Variants in GNS observed in about 807,000 individuals in gnomAD.
GNS encodes N-acetylglucosamine-6-sulfatase.
In GNS, 40 loss-of-function variants were observed where a neutral mutation model predicts 69.7. The ratio of observed to expected loss-of-function variants is 0.57; its 90% CI spans 0.45 to 0.75. The LOEUF (loss-of-function observed/expected upper bound fraction) is 0.75, where lower values mean the gene tolerates loss of function less well. Among genes scored for constraint, GNS ranks in the 30% least tolerant of loss-of-function variants. The probability of loss-of-function intolerance (pLI) is 0.00; values close to 1 mark genes in which losing one functional copy is unlikely to be tolerated. For synonymous variants in GNS, 243 were observed against 251.6 expected, an observed-to-expected ratio of 0.97 and a Z score of 0.32; for missense variants, 565 against 685.5, an observed-to-expected ratio of 0.82 and a Z score of 1.96.
At chr12:64,728,218 G>T (rs989108651) in intron 10 of GNS, among the ~76,000 whole-genome samples, 6 of 152,172 alleles carry the variant, frequency 3.9e-5, no homozygotes, top group African/African-American at 1.4e-4. Flanking sequence ...AAGCCACCGC[G>T]CCTGGCCGAC....
In GNS at chr12:64,721,719, TC is replaced by T. The variant is rs1345709163; in HGVS notation, c.1309-15del. On this transcript the variant is annotated splice_polypyrimidine_tract_variant and intron_variant, in intron 11 of 13. Coordinates refer to ENST00000258145, the MANE Select transcript of GNS (RefSeq NM_002076.4). ...TGGGAAGCATTGCTGTAGGGATATT[TC>T]AAAAGTTAAATGAAGACAGTTCTTC... 1.3e-5 allele frequency: 16 copies of T among 1,279,830 alleles called. No homozygotes were observed. The highest frequency in any genetic ancestry group is 1.8e-5 in the Non-Finnish European group (16 of 874,764). 79.3% of individuals were successfully genotyped at this position (1,279,830 alleles called of 1,614,324 possible). A position where few individuals can be genotyped will look rare whatever the true frequency, so the allele number is the denominator to read the frequency against.
chr12:64,750,351 T>A (rs932458904), intron 2 of GNS, among the ~76,000 whole-genome samples: 29 of 151,942 alleles, frequency 1.9e-4, no homozygotes, highest in African/African-American at 6.8e-4. Context: ...CCTGGCCCAA[T>A]GCCCAGGTAT....
chr12:64,728,211 C>T (rs1869269573), intron 10 of GNS, among the ~76,000 whole-genome samples: 1 of 152,206 alleles, frequency 6.6e-6, no homozygotes, highest in Non-Finnish European at 1.5e-5. Context: ...CAGGCGTAAG[C>T]CACCGCGCCT....
At chr12:64,718,904 C>G (rs374291292) in intron 13 of GNS, among the ~76,000 whole-genome samples, 1 of 152,158 alleles carries the variant, frequency 6.6e-6, no homozygotes, top group East Asian at 1.9e-4. Context: ...ACTGGACTTC[C>G]TATTTCAGGT....
intron 13 of GNS, among the ~76,000 whole-genome samples, chr12:64,719,410 T>A (rs968949416): frequency 1.3e-5 from 2 of 152,224 alleles, no homozygotes; most frequent in Non-Finnish European, 2.9e-5. Context: ...CTCAAATGCA[T>A]GGTGTACTGA....
At chr12:64,727,086 T>A (rs1376726822) in intron 10 of GNS, among the ~76,000 whole-genome samples, 1 of 151,708 alleles carries the variant, frequency 6.6e-6, no homozygotes. Flanking sequence ...CCTACTACAA[T>A]ATAATAATCA....
chr12:64,746,521 G>T (rs1226821106), intron 3 of GNS, among the ~76,000 whole-genome samples: 1 of 152,102 alleles, frequency 6.6e-6, no homozygotes, highest in Non-Finnish European at 1.5e-5. Context: ...AAGCATTTTG[G>T]ATAAGGGATA....
In GNS at chr12:64,747,829, C is replaced by T; in HGVS notation, c.342G>A (p.Leu114=). ...PHNHHVVNNT[L]EGNCSSKSWQ... ...AGGACTTACTACTGCAGTTCCCCTC[C>T]AGAGTGTTGTTCACAACGTGATGAT... is the stretch of plus-strand genomic sequence containing the variant. Residue 114 remains leucine, a synonymous_variant, in exon 3 of 14, where the codon CTG becomes CTA. Coordinates refer to ENST00000258145, the MANE Select transcript of GNS (RefSeq NM_002076.4). The T allele has an allele frequency of 1.2e-6, 2 of 1,608,034 alleles. No homozygotes were observed. The highest frequency in any genetic ancestry group is 1.1e-5 in the South Asian group (1 of 90,960).
At chr12:64,745,557 T>C (rs1869873351) in intron 4 of GNS, 102 bp downstream of exon 4, 2 of 843,208 alleles carry the variant, frequency 2.4e-6, no homozygotes, top group Admixed American at 1.7e-5. Flanking sequence ...AAATGACTAA[T>C]TGTAAAAGCA....
At chr12:64,756,836 T>C in intron 1 of GNS, 1 of 735,792 alleles carries the variant, frequency 1.4e-6, no homozygotes, top group Non-Finnish European at 2.3e-6. Context: ...TTTTGGTACC[T>C]CTCTCCAGTA....
intron 10 of GNS, 95 bp from the exon 11 acceptor site, chr12:64,723,208 AGTAATTGGACT>A (rs1869087678): frequency 1.3e-6 from 1 of 781,536 alleles, no homozygotes; most frequent in African/African-American, 1.7e-5. Context: ...GGGAGTCAAA[AGTAATTGGACT>A]GTTCATTCAG....
At position 64,713,665 on chromosome 12, in the gene GNS, T is replaced by C. The variant is rs1868776810; in HGVS notation, c.*3076A>G. On this transcript the variant is annotated 3_prime_UTR_variant, in exon 14 of 14. Coordinates refer to ENST00000258145, the MANE Select transcript of GNS (RefSeq NM_002076.4). ...CCATCTAATTCCATTGGTGGATCAG[T>C]TGAATTAACTTTTGCTTTCTTTAGG... 4 of 151,272 alleles carry C rather than the reference T, an allele frequency of 2.6e-5. No individual in the cohort carries two copies. The highest frequency in any genetic ancestry group is 4.1e-4 in the South Asian group (2 of 4,830). 9.4% of individuals were successfully genotyped at this position (151,272 alleles called of 1,614,324 possible).
chr12:64,721,798 G>A (rs1484535624), intron 11 of GNS, 93 bp from the exon 12 acceptor site: 4 of 770,038 alleles, frequency 5.2e-6, no homozygotes, highest in East Asian at 5.0e-5. Context: ...GGCTCATGCC[G>A]GACATGCAAT....
chr12:64,726,954 T>G (rs146409904), intron 10 of GNS, among the ~76,000 whole-genome samples: 13 of 149,872 alleles, frequency 8.7e-5, no homozygotes, highest in African/African-American at 2.9e-4. Context: ...GGCAAAGGAT[T>G]GGAATATGAA....
At chr12:64,752,911 G>C in intron 1 of GNS, 154 bp from the exon 2 acceptor site, 1 of 642,970 alleles carries the variant, frequency 1.6e-6, no homozygotes. Flanking sequence ...TGATTCTAGA[G>C]ACAAGTTTGG....
chr12:64,740,080 T>C (rs896641725), intron 7 of GNS, among the ~76,000 whole-genome samples: 1 of 152,246 alleles, frequency 6.6e-6, no homozygotes, highest in Non-Finnish European at 1.5e-5. Context: ...TGAGTAGTTG[T>C]GACAGAATGT....
chr12:64,737,211 C>G, intron 8 of GNS, 104 bp from the exon 9 acceptor site: 1 of 739,808 alleles, frequency 1.4e-6, no homozygotes, highest in African/African-American at 1.7e-5. Flanking sequence ...CAACTTTGTT[C>G]TACTGATTCT....
intron 11 of GNS, among the ~76,000 whole-genome samples, chr12:64,722,501 A>G (rs1267194861): frequency 6.6e-6 from 1 of 152,232 alleles, no homozygotes; most frequent in Non-Finnish European, 1.5e-5. Flanking sequence ...TTGGTTCATT[A>G]TACTGTAACA....
Position 64,716,054 on chromosome 12 carries a change from G to A in GNS, c.*687C>T, listed in dbSNP as rs1308283018. 1.3e-5 allele frequency: 2 copies of A among 154,496 alleles called. No homozygotes were observed. Among genetic ancestry groups the A allele is most frequent in the Admixed American group, 6.3e-5 (1 of 15,856 alleles). 9.6% of individuals were successfully genotyped at this position (154,496 alleles called of 1,614,324 possible). A position where few individuals can be genotyped will look rare whatever the true frequency, so the allele number is the denominator to read the frequency against. ...TGGCTATCACCTTCAAGAGCTACCT[G>A]GAATTGGCCTTTATCACAAGCTTAC... is the stretch of plus-strand genomic sequence containing the variant. On this transcript the variant is annotated 3_prime_UTR_variant, in exon 14 of 14. Coordinates refer to ENST00000258145, the MANE Select transcript of GNS (RefSeq NM_002076.4).
Sources: allele counts gnomAD v4.1 joint callset (sites outside exome capture counted in the v4.1 genomes callset), GRCh38; gene constraint gnomAD v4.1.1; transcripts MANE v1.5; gene names NCBI Gene and HGNC (gene_info 2026-07-23, HGNC 2026-07-21).